The following NFAT5 variants were observed in gnomAD, a reference collection of about 807,000 sequenced individuals.
NFAT5 encodes the protein nuclear factor of activated T-cells 5.
In NFAT5, 31 loss-of-function variants were observed where a neutral mutation model predicts 166.5. The ratio of observed to expected loss-of-function variants is 0.19; its 90% CI spans 0.14 to 0.25. The LOEUF (loss-of-function observed/expected upper bound fraction) is 0.25. Among genes scored for constraint, NFAT5 ranks in the 10% least tolerant of loss-of-function variants. NFAT5 has a pLI of 1.00. For synonymous variants in NFAT5, 612 were observed against 639.7 expected (o/e 0.96, Z 0.65); for missense variants, 1,449 against 1,821.8 (o/e 0.80, Z 3.72).
rs533952618 is a variant in NFAT5 at position 69,623,396 on chromosome 16, C to T, written c.128-3007C>T. On this transcript the variant is annotated intron_variant, in intron 2 of 14. Coordinates refer to ENST00000349945, the MANE Select transcript of NFAT5 (RefSeq NM_138713.4). ...AGGCTGAAGTGCAGTGGCACGATCT[C>T]GACTCACTGCAACCTCCGTCTCCTG... 1.7e-4 allele frequency among the ~76,000 whole-genome samples: 26 copies of T among 150,880 alleles called. No homozygotes were observed. In the South Asian group the frequency reaches 5.4e-3, roughly 32 times the overall value.
intron 2 of NFAT5, among the ~76,000 whole-genome samples, chr16:69,605,177 C>T (rs13330277): frequency 0.046 from 6,947 of 152,156 alleles, 547 homozygotes; most frequent in African/African-American, 0.16. Flanking sequence ...TGGTGGCTCA[C>T]GCCTGTAATC....
At position 69,574,697 on chromosome 16, in the gene NFAT5, C is replaced by T. The variant is rs141555402; in HGVS notation, c.127+6149C>T. On this transcript the variant is annotated intron_variant, in intron 2 of 14. Transcript: ENST00000349945. ...TTTTTTTTGGTTTTTGAAACGGAGT[C>T]GTGCTCTGTCACCCAGGCTGGAGTG... Among the ~76,000 whole-genome samples the T allele has an allele frequency of 8.9e-3, 1,327 of 149,914 alleles. 18 individuals are homozygous for T. Among genetic ancestry groups the T allele is most frequent in the African/African-American group, 0.031 (1,267 of 40,708 alleles).
At position 69,703,235 on chromosome 16, in the gene NFAT5, A is replaced by G. The variant is rs1310227090; in HGVS notation, c.*6884A>G. ...GTAAACAAGATGGCTGGCCAGGTCAACATGGCACCTTAACTTATTTTTTTA... is the reference window on the plus strand; with the variant it reads ...GTAAACAAGATGGCTGGCCAGGTCAGCATGGCACCTTAACTTATTTTTTTA... On this transcript the variant is annotated 3_prime_UTR_variant, in exon 15 of 15. Transcript: ENST00000349945. The G allele has an allele frequency of 6.6e-6, 1 of 152,604 alleles. No individual in the cohort carries two copies. The highest frequency in any genetic ancestry group is 1.5e-5 in the Non-Finnish European group (1 of 68,032). The allele number at this position is 152,604 out of a possible 1,614,324, so 9.5% of individuals were successfully genotyped here.
chr16:69,590,236 G>A (rs2032378069), intron 2 of NFAT5, among the ~76,000 whole-genome samples: 2 of 152,160 alleles, frequency 1.3e-5, no homozygotes, highest in African/African-American at 2.4e-5. Flanking sequence ...GAGTACAGAC[G>A]TTGAGTCCTG....
intron 4 of NFAT5, chr16:69,648,991 A>T: frequency 1.0e-6 from 1 of 970,640 alleles, no homozygotes; most frequent in Non-Finnish European, 1.2e-6. Flanking sequence ...GTTAAATGAA[A>T]ATGAATATTT....
At chr16:69,616,513 C>G (rs1272557439) in intron 2 of NFAT5, among the ~76,000 whole-genome samples, 2 of 152,072 alleles carry the variant, frequency 1.3e-5, no homozygotes, top group African/African-American at 4.8e-5. Flanking sequence ...GCTAGGCTGT[C>G]CATCCATATG....
At chr16:69,695,984 C>T (rs1052315410) in intron 14 of NFAT5, among the ~76,000 whole-genome samples, 1 of 152,182 alleles carries the variant, frequency 6.6e-6, no homozygotes, top group Non-Finnish European at 1.5e-5. Flanking sequence ...CCCAAGATAT[C>T]TCATTGTGTA....
At position 69,687,282 on chromosome 16, in the gene NFAT5, A is replaced by G. The variant is rs906966880; in HGVS notation, c.1774+2312A>G. On this transcript the variant is annotated intron_variant, in intron 11 of 14. Coordinates refer to ENST00000349945, the MANE Select transcript of NFAT5 (RefSeq NM_138713.4). ...ATGGCAAAACCCTGTCTCTACTAAAAATAAAAAAATTAGCTGGGCGTGGTG... is the reference window on the plus strand; with the variant it reads ...ATGGCAAAACCCTGTCTCTACTAAAGATAAAAAAATTAGCTGGGCGTGGTG... Among the ~76,000 whole-genome samples, 9 of 152,078 alleles carry G rather than the reference A, an allele frequency of 5.9e-5. No homozygotes were observed. In the South Asian group the frequency reaches 6.2e-4, roughly 11 times the overall value.
intron 2 of NFAT5, among the ~76,000 whole-genome samples, chr16:69,617,933 G>A (rs2034028857): frequency 6.6e-6 from 1 of 151,394 alleles, no homozygotes; most frequent in Admixed American, 6.6e-5. Flanking sequence ...AAGGTGGGCG[G>A]ATCACCTGAG....
intron 2 of NFAT5, among the ~76,000 whole-genome samples, chr16:69,613,498 G>C (rs1007975188): frequency 6.6e-6 from 1 of 152,156 alleles, no homozygotes; most frequent in Non-Finnish European, 1.5e-5. Context: ...TTCATCTCAT[G>C]TTACTGCTTG....
chr16:69,662,450 C>CTTTCTTTTTTTTTTTTTTTTTTT (rs1399691895), intron 7 of NFAT5, among the ~76,000 whole-genome samples: 1 of 96,998 alleles, frequency 1.0e-5, no homozygotes, highest in African/African-American at 3.9e-5. Flanking sequence ...ACACCTCTTT[C>CTTTCTTTTTTTTTTTTTTTTTTT]TTTTTTTTTT....
At chr16:69,669,000 C>T (rs2036516564) in intron 7 of NFAT5, among the ~76,000 whole-genome samples, 1 of 152,084 alleles carries the variant, frequency 6.6e-6, no homozygotes, top group Admixed American at 6.6e-5. Context: ...TTTAAGTGAT[C>T]CTCCCACTCC....
At chr16:69,627,432 C>A (rs1160455264) in intron 3 of NFAT5, among the ~76,000 whole-genome samples, 1 of 148,316 alleles carries the variant, frequency 6.7e-6, no homozygotes, top group African/African-American at 2.5e-5. Context: ...TAATATGACA[C>A]CTCTCATCTT....
chr16:69,568,472 C>T, intron 1 of NFAT5, 23 bp from the exon 2 acceptor site: 1 of 1,601,578 alleles, frequency 6.2e-7, no homozygotes, highest in East Asian at 2.3e-5. Context: ...TAAAAAGTAC[C>T]TAATGCTTTT....
At chr16:69,585,101 G>A (rs1345465351) in intron 2 of NFAT5, among the ~76,000 whole-genome samples, 1 of 151,836 alleles carries the variant, frequency 6.6e-6, no homozygotes, top group East Asian at 1.9e-4. Context: ...GGGTTGAAGC[G>A]ATTCTCCTGC....
Position 69,650,869 on chromosome 16 carries a change from T to C in NFAT5, c.813-2367T>C, listed in dbSNP as rs1272527166. ...TAAATGAATATTTTTACTTTAAGAT[T>C]AGTATAAAACAGAATATCATAGACT... On this transcript the variant is annotated intron_variant, in intron 4 of 14. Transcript: ENST00000349945. Among the ~76,000 whole-genome samples the C allele has an allele frequency of 3.3e-5, 5 of 152,208 alleles. No individual in the cohort carries two copies. In the East Asian group the frequency reaches 9.6e-4, roughly 29 times the overall value.
chr16:69,603,870 T>G (rs1271018822), intron 2 of NFAT5, among the ~76,000 whole-genome samples: 1 of 152,224 alleles, frequency 6.6e-6, no homozygotes, highest in Non-Finnish European at 1.5e-5. Context: ...TTGAACAATT[T>G]CCTTGCCAGT....
chr16:69,685,049 T>C lies in NFAT5; in HGVS notation c.1774+79T>C. The stretch of plus-strand genomic sequence containing the variant: ...TCTAGCACACCTTACTATTTTGTTT[T>C]CTCTTAGGTACTTATAATACTTTGC... On this transcript the variant is annotated intron_variant, in intron 11 of 14. Coordinates refer to ENST00000349945, the MANE Select transcript of NFAT5 (RefSeq NM_138713.4). The C allele has an allele frequency of 4.5e-6, 4 of 884,280 alleles. No individual in the cohort carries two copies. The Admixed American group carries it at 9.0e-5, about 20-fold the overall frequency. 54.8% of individuals were successfully genotyped at this position (884,280 alleles called of 1,614,324 possible).
At chr16:69,683,274 G>A (rs1241764398) in intron 10 of NFAT5, among the ~76,000 whole-genome samples, 1 of 152,072 alleles carries the variant, frequency 6.6e-6, no homozygotes, top group Non-Finnish European at 1.5e-5. Flanking sequence ...GTTCATGCCT[G>A]TAATCCCAGC....
Sources: allele counts gnomAD v4.1 joint callset (sites outside exome capture counted in the v4.1 genomes callset), GRCh38; gene constraint gnomAD v4.1.1; transcripts MANE v1.5; gene names NCBI Gene and HGNC (gene_info 2026-07-23, HGNC 2026-07-21).